SLC35F1: variants seen among roughly 807,000 people sequenced by gnomAD.
SLC35F1 encodes the protein chromosome 6 open reading frame 169.
A neutral mutation model predicts 48.7 loss-of-function variants in SLC35F1; 14 were observed. The ratio of observed to expected loss-of-function variants is 0.29; its 90% CI spans 0.19 to 0.45. The LOEUF is 0.45. Among genes scored for constraint, SLC35F1 ranks in the 20% least tolerant of loss-of-function variants. The pLI is 1.00. For synonymous variants in SLC35F1, 190 were observed against 202.2 expected (o/e 0.94, Z 0.51); for missense variants, 404 against 500.0 (o/e 0.81, Z 1.83).
At chr6:118,200,933 T>C (rs1041514050) in intron 2 of SLC35F1, among the ~76,000 whole-genome samples, 1 of 152,158 alleles carries the variant, frequency 6.6e-6, no homozygotes, top group African/African-American at 2.4e-5. Flanking sequence ...TCATCCAAGC[T>C]GGAGTGCAAT....
intron 1 of SLC35F1, among the ~76,000 whole-genome samples, chr6:118,083,159 A>G (rs977600842): frequency 3.9e-5 from 6 of 152,288 alleles, no homozygotes; most frequent in African/African-American, 1.4e-4. Context: ...CAAGGAGAAT[A>G]AGTTTCTTAT....
At chr6:118,045,572 A>G (rs1318466132) in intron 1 of SLC35F1, among the ~76,000 whole-genome samples, 1 of 152,174 alleles carries the variant, frequency 6.6e-6, no homozygotes, top group Non-Finnish European at 1.5e-5. Flanking sequence ...TCCCAGTCAC[A>G]TGCACATAAA....
At chr6:117,940,688 A>C (rs537145471) in intron 1 of SLC35F1, among the ~76,000 whole-genome samples, 14 of 151,302 alleles carry the variant, frequency 9.3e-5, no homozygotes, top group African/African-American at 2.9e-4. Flanking sequence ...TTACTCTGTC[A>C]CCCAGGCTGT....
chr6:117,975,599 C>T (rs1776695625), intron 1 of SLC35F1, among the ~76,000 whole-genome samples: 3 of 151,982 alleles, frequency 2.0e-5, no homozygotes, highest in Admixed American at 2.0e-4. Flanking sequence ...TTAAAAACTC[C>T]CAGATTAGAG....
chr6:118,011,492 T>C (rs1777245587), intron 1 of SLC35F1, among the ~76,000 whole-genome samples: 2 of 152,104 alleles, frequency 1.3e-5, no homozygotes, highest in Admixed American at 6.6e-5. Flanking sequence ...GCCTCCATGA[T>C]CTAGTCACCT....
chr6:118,070,372 A>G (rs185584825), intron 1 of SLC35F1, among the ~76,000 whole-genome samples: 130 of 152,248 alleles, frequency 8.5e-4, no homozygotes, highest in African/African-American at 3.0e-3. Flanking sequence ...GTGGCACAGT[A>G]GGTGTGAGCA....
intron 1 of SLC35F1, among the ~76,000 whole-genome samples, chr6:117,960,306 G>A (rs1210248687): frequency 6.6e-6 from 1 of 151,208 alleles, no homozygotes; most frequent in Admixed American, 6.6e-5. Flanking sequence ...AAGGCACTGT[G>A]TTCCCTTGAA....
chr6:117,979,033 G>C (rs185208862), intron 1 of SLC35F1, among the ~76,000 whole-genome samples: 6 of 152,030 alleles, frequency 3.9e-5, no homozygotes, highest in South Asian at 2.1e-4. Flanking sequence ...CCTGTTCCCC[G>C]CATGCCTAGT....
At chr6:118,258,764 T>C (rs1048872134) in intron 3 of SLC35F1, among the ~76,000 whole-genome samples, 6 of 151,776 alleles carry the variant, frequency 4.0e-5, no homozygotes, top group African/African-American at 1.2e-4. Context: ...ACAGAGAAAA[T>C]ATTGCAGAGC....
rs994871472 is a variant in SLC35F1, at chr6:118,163,433, C to T, written c.349+8813C>T. Among the ~76,000 whole-genome samples, 404 of 109,880 alleles carry T rather than the reference C, an allele frequency of 3.7e-3. 2 individuals carry two copies. Among genetic ancestry groups the T allele is most frequent in the African/African-American group, 0.013 (393 of 30,524 alleles). The allele number at this position is 109,880 out of a possible 152,430, so 72.1% of individuals were successfully genotyped here. A position where few individuals can be genotyped will look rare whatever the true frequency, so the allele number is the denominator to read the frequency against. On this transcript the variant is annotated intron_variant, in intron 2 of 7. Transcript: ENST00000360388. ...ACAAACACACTCACACTCACACACA[C>T]ACACACACACACACACACTCTATAC...
At chr6:117,991,567 G>T (rs1776919734) in intron 1 of SLC35F1, among the ~76,000 whole-genome samples, 1 of 152,120 alleles carries the variant, frequency 6.6e-6, no homozygotes, top group Non-Finnish European at 1.5e-5. Context: ...CTGAACCATG[G>T]TTATAGTTAA....
At chr6:118,085,083 C>T (rs564164655) in intron 1 of SLC35F1, among the ~76,000 whole-genome samples, 2 of 136,908 alleles carry the variant, frequency 1.5e-5, no homozygotes, top group East Asian at 2.0e-4. Context: ...GCAGTTAGAA[C>T]GGGATAGTAT....
intron 1 of SLC35F1, among the ~76,000 whole-genome samples, chr6:117,989,826 C>CA (rs1471268746): frequency 6.6e-6 from 1 of 152,042 alleles, no homozygotes; most frequent in Non-Finnish European, 1.5e-5. Flanking sequence ...GGGAAAAAAA[C>CA]AAAGACTAGA....
intron 1 of SLC35F1, among the ~76,000 whole-genome samples, chr6:117,924,493 C>T (rs554890313): frequency 0.065 from 1,501 of 22,964 alleles, 118 homozygotes; most frequent in African/African-American, 0.11. Context: ...TACGTATATA[C>T]ATATGTATAT....
At chr6:118,084,117 G>A (rs759703768) in intron 1 of SLC35F1, among the ~76,000 whole-genome samples, 1 of 152,180 alleles carries the variant, frequency 6.6e-6, no homozygotes, top group Non-Finnish European at 1.5e-5. Context: ...AGGGTCACAT[G>A]GCTAATAAGT....
chr6:118,089,164 T>A (rs1773035861), intron 1 of SLC35F1, among the ~76,000 whole-genome samples: 1 of 152,146 alleles, frequency 6.6e-6, no homozygotes, highest in Non-Finnish European at 1.5e-5. Context: ...ACCCTAGAAC[T>A]CTGGCATGAG....
At chr6:118,161,830 G>A (rs114978741) in intron 2 of SLC35F1, among the ~76,000 whole-genome samples, 123 of 152,314 alleles carry the variant, frequency 8.1e-4, no homozygotes, top group African/African-American at 2.9e-3. Flanking sequence ...TGGGAAATTG[G>A]TAGAGAAAGT....
intron 3 of SLC35F1, among the ~76,000 whole-genome samples, chr6:118,251,317 GT>G (rs1418036651): frequency 1.4e-4 from 21 of 150,718 alleles, no homozygotes; most frequent in African/African-American, 3.5e-4. Flanking sequence ...TGTTTTGTGT[GT>G]TTTTTAAATT....
Position 118,235,548 on chromosome 6 carries a change from G to C in SLC35F1, c.389G>C (p.Trp130Ser). 1 of 1,613,360 alleles carries C rather than the reference G, an allele frequency of 6.2e-7. No homozygotes were observed. Among genetic ancestry groups the C allele is most frequent in the Non-Finnish European group, 8.5e-7 (1 of 1,179,574 alleles). ...NLLAILRRRW[W>S]KYMILGLIDL... is the part of the protein sequence containing the mutation. ...CTGGCAATTTTACGACGAAGATGGT[G>C]GAAGTACATGATTTTGGGACTCATA... The change falls in exon 3 of 8, where the codon TGG becomes TCG. Residue 130 changes from tryptophan to serine, a missense_variant. By Grantham distance (177) the Trp-to-Ser change is radical (BLOSUM62 -3). Coordinates refer to ENST00000360388, the MANE Select transcript of SLC35F1 (RefSeq NM_001029858.4).
Sources: gnomAD v4.1 joint callset for allele counts (sites outside exome capture counted in the v4.1 genomes callset) on GRCh38, gnomAD v4.1.1 for gene constraint, MANE v1.5 for transcripts, NCBI Gene and HGNC (gene_info 2026-07-23, HGNC 2026-07-21) for gene names.